The following GPC5 variants were observed in gnomAD, a reference collection of about 807,000 sequenced individuals.
The protein encoded by GPC5 is glypican-5.
A neutral mutation model predicts 53.9 loss-of-function variants in GPC5; 47 were observed. The ratio of observed to expected loss-of-function variants is 0.87; its 90% CI spans 0.69 to 1.11. The LOEUF is 1.11. Among genes scored for constraint, GPC5 ranks in the 50% most tolerant of loss-of-function variants. GPC5 has a pLI of 0.00. For missense variants in GPC5, 748 were observed against 713.1 expected (o/e 1.05, Z -0.56); for synonymous variants, 286 against 263.3 (o/e 1.09, Z -0.84).
At chr13:92,598,114 A>G (rs942064718) in intron 7 of GPC5, among the ~76,000 whole-genome samples, 1 of 152,190 alleles carries the variant, frequency 6.6e-6, no homozygotes, top group African/African-American at 2.4e-5. Context: ...ATTTCTTCTG[A>G]AGACAAATTC....
intron 7 of GPC5, among the ~76,000 whole-genome samples, chr13:92,194,977 A>G (rs1339775436): frequency 6.6e-6 from 1 of 152,356 alleles, no homozygotes; most frequent in Middle Eastern, 3.4e-3. Context: ...CTTAAATCAG[A>G]GAAGCATTAG....
intron 7 of GPC5, among the ~76,000 whole-genome samples, chr13:92,405,400 A>T (rs1296355747): frequency 6.6e-6 from 1 of 152,248 alleles, no homozygotes; most frequent in Non-Finnish European, 1.5e-5. Flanking sequence ...CCCAACTGGG[A>T]ATCAACATTT....
At chr13:92,130,223 G>A (rs2041731824) in intron 6 of GPC5, among the ~76,000 whole-genome samples, 1 of 151,880 alleles carries the variant, frequency 6.6e-6, no homozygotes, top group Admixed American at 6.6e-5. Context: ...AGTAATTGTT[G>A]AGAGAATGTT....
chr13:91,578,986 C>T (rs994738361), intron 2 of GPC5, among the ~76,000 whole-genome samples: 1 of 151,982 alleles, frequency 6.6e-6, no homozygotes, highest in Non-Finnish European at 1.5e-5. Context: ...GCAAAAGTTG[C>T]AGTGAGCCGA....
In GPC5 at chr13:91,672,009, G is replaced by T. The variant is rs889941679; in HGVS notation, c.326-21178G>T. 3.4e-4 allele frequency among the ~76,000 whole-genome samples: 52 copies of T among 151,926 alleles called. 1 individual carries two copies. Among genetic ancestry groups the T allele is most frequent in the Non-Finnish European group, 1.5e-4 (10 of 67,938 alleles). On this transcript the variant is annotated intron_variant, in intron 2 of 7. Coordinates refer to ENST00000377067, the MANE Select transcript of GPC5 (RefSeq NM_004466.6). ...CAATGGGGAAAGGATGTCCTATTCAGTAAATGGTGCTGGGAAAACTGGCTA... is the reference window on the plus strand; with the variant it reads ...CAATGGGGAAAGGATGTCCTATTCATTAAATGGTGCTGGGAAAACTGGCTA...
At chr13:92,137,057 T>C (rs2041790018) in intron 6 of GPC5, among the ~76,000 whole-genome samples, 1 of 151,330 alleles carries the variant, frequency 6.6e-6, no homozygotes, top group South Asian at 2.1e-4. Context: ...GTTCCGAAAG[T>C]TGTTTTTTTT....
chr13:92,039,187 G>A (rs1237796208), intron 6 of GPC5, among the ~76,000 whole-genome samples: 1 of 152,200 alleles, frequency 6.6e-6, no homozygotes, highest in African/African-American at 2.4e-5. Flanking sequence ...GAAGATTGTT[G>A]CCAAAATTCG....
intron 6 of GPC5, among the ~76,000 whole-genome samples, chr13:92,033,584 G>A (rs1423884492): frequency 6.6e-6 from 1 of 152,156 alleles, no homozygotes; most frequent in Non-Finnish European, 1.5e-5. Flanking sequence ...CTAATTTTCA[G>A]GCAATATTTA....
At chr13:91,438,488 C>G (rs1050154081) in intron 1 of GPC5, among the ~76,000 whole-genome samples, 1 of 152,196 alleles carries the variant, frequency 6.6e-6, no homozygotes, top group African/African-American at 2.4e-5. Flanking sequence ...TATTGGTGAA[C>G]AGCAAATGTT....
intron 5 of GPC5, among the ~76,000 whole-genome samples, chr13:91,876,937 G>C (rs117913890): frequency 6.6e-6 from 1 of 152,180 alleles, no homozygotes. Flanking sequence ...TTGGTGCCCT[G>C]TGTCTCAGCC....
At chr13:92,458,324 T>G (rs1878353621) in intron 7 of GPC5, among the ~76,000 whole-genome samples, 1 of 145,550 alleles carries the variant, frequency 6.9e-6, no homozygotes. Flanking sequence ...GGGTGGGGGA[T>G]GAAGTTTTGC....
chr13:91,886,371 A>G (rs1202386970), intron 5 of GPC5, among the ~76,000 whole-genome samples: 1 of 152,166 alleles, frequency 6.6e-6, no homozygotes, highest in African/African-American at 2.4e-5. Context: ...TGGGAACTAT[A>G]ATTCAAGATG....
At chr13:92,327,075 G>A (rs1002182304) in intron 7 of GPC5, among the ~76,000 whole-genome samples, 1 of 152,084 alleles carries the variant, frequency 6.6e-6, no homozygotes, top group African/African-American at 2.4e-5. Context: ...TCCTAGTTTG[G>A]TGATTTCTAG....
At chr13:91,776,052 T>A (rs1566677589) in intron 5 of GPC5, among the ~76,000 whole-genome samples, 2 of 152,222 alleles carry the variant, frequency 1.3e-5, no homozygotes, top group Non-Finnish European at 1.5e-5. Flanking sequence ...TGAGGGGTAC[T>A]TCCACATGTT....
At chr13:92,194,272 G>A (rs1206521907) in intron 7 of GPC5, among the ~76,000 whole-genome samples, 1 of 152,182 alleles carries the variant, frequency 6.6e-6, no homozygotes, top group Admixed American at 6.5e-5. Context: ...TGCTTGGGAT[G>A]CAAATAGTGA....
intron 5 of GPC5, among the ~76,000 whole-genome samples, chr13:91,798,299 C>T (rs372657976): frequency 7.9e-5 from 12 of 152,076 alleles, no homozygotes; most frequent in African/African-American, 2.7e-4. Flanking sequence ...GGTATTAAGC[C>T]CAACGTCCAT....
rs192413574 is a variant in GPC5, at chr13:92,179,624, G to A, written c.1561+34635G>A. Among the ~76,000 whole-genome samples the A allele has an allele frequency of 3.2e-4, 48 of 152,272 alleles. 2 individuals are homozygous for A. In the East Asian group the frequency reaches 6.6e-3, roughly 21 times the overall value. ...GGCATAGCACTTGCTCATAATCTTC[G>A]TAGGCTACTTCTAGCTAAATGATAG... is the stretch of plus-strand genomic sequence containing the variant. On this transcript the variant is annotated intron_variant, in intron 7 of 7. Coordinates refer to ENST00000377067, the MANE Select transcript of GPC5 (RefSeq NM_004466.6).
intron 7 of GPC5, among the ~76,000 whole-genome samples, chr13:92,299,834 A>G (rs1480109001): frequency 6.6e-6 from 1 of 152,190 alleles, no homozygotes; most frequent in African/African-American, 2.4e-5. Context: ...AATATTTTAT[A>G]CATAGTAAAA....
At chr13:91,892,039 A>G (rs538556576) in intron 5 of GPC5, among the ~76,000 whole-genome samples, 18 of 152,186 alleles carry the variant, frequency 1.2e-4, no homozygotes, top group African/African-American at 4.3e-4. Context: ...TGATAGCATC[A>G]CATCAGGACT....
Sources: gnomAD v4.1 joint callset for allele counts (sites outside exome capture counted in the v4.1 genomes callset) on GRCh38, gnomAD v4.1.1 for gene constraint, MANE v1.5 for transcripts, NCBI Gene and HGNC (gene_info 2026-07-23, HGNC 2026-07-21) for gene names.